Variants in AFG1L observed in about 807,000 individuals in gnomAD.
AFG1L encodes the protein AFG1 like ATPase.
A neutral mutation model predicts 62.2 loss-of-function variants in AFG1L; 53 were observed. The ratio of observed to expected loss-of-function variants is 0.85; its 90% CI spans 0.68 to 1.07. The LOEUF (loss-of-function observed/expected upper bound fraction) is 1.07, where lower values mean the gene tolerates loss of function less well. Ranked by LOEUF, AFG1L falls within the 50% of genes least tolerant of loss-of-function variation. AFG1L has a pLI of 0.00. For synonymous variants in AFG1L, 228 were observed against 210.3 expected (o/e 1.08, Z -0.73); for missense variants, 555 against 590.5 (o/e 0.94, Z 0.62).
chr6:108,356,603 A>C, intron 4 of AFG1L, 87 bp from the exon 5 acceptor site: 1 of 888,054 alleles, frequency 1.1e-6, no homozygotes. Context: ...TCCATACTAA[A>C]GTTTCATTTA....
At chr6:108,495,947 T>A (rs544240122) in intron 10 of AFG1L, among the ~76,000 whole-genome samples, 8 of 152,230 alleles carry the variant, frequency 5.3e-5, no homozygotes, top group Non-Finnish European at 1.2e-4. Context: ...TCATTATCTA[T>A]CATAAGAAGA....
chr6:108,431,260 C>T (rs142147672), intron 7 of AFG1L, among the ~76,000 whole-genome samples: 6,533 of 152,110 alleles, frequency 0.043, 217 homozygotes, highest in South Asian at 0.1. Flanking sequence ...CCTGCCACCA[C>T]GCCCGGCTAA....
At chr6:108,376,773 A>G (rs1780265984) in intron 6 of AFG1L, among the ~76,000 whole-genome samples, 1 of 152,132 alleles carries the variant, frequency 6.6e-6, no homozygotes. Context: ...GTACATATCT[A>G]TTAGTCCAAT....
intron 4 of AFG1L, 79 bp downstream of exon 4, chr6:108,355,834 A>C (rs1026363240): frequency 1.1e-6 from 1 of 948,216 alleles, no homozygotes; most frequent in Non-Finnish European, 1.6e-6. Context: ...ATGAACATAT[A>C]CTCTTTAAAA....
chr6:108,411,039 C>A (rs1451854069), intron 7 of AFG1L, among the ~76,000 whole-genome samples: 1 of 152,120 alleles, frequency 6.6e-6, no homozygotes, highest in Non-Finnish European at 1.5e-5. Context: ...ACAGGCGGTA[C>A]CTGGAAAATC....
At chr6:108,513,475 A>T (rs1024642768) in intron 11 of AFG1L, among the ~76,000 whole-genome samples, 1 of 152,188 alleles carries the variant, frequency 6.6e-6, no homozygotes, top group Non-Finnish European at 1.5e-5. Flanking sequence ...TATCCCGCGC[A>T]TGGCTTGGAG....
intron 2 of AFG1L, among the ~76,000 whole-genome samples, chr6:108,324,392 C>T (rs1777948339): frequency 6.6e-6 from 1 of 152,176 alleles, no homozygotes; most frequent in Admixed American, 6.5e-5. Flanking sequence ...TTTCTTCCTC[C>T]TTCTTTCTCT....
At chr6:108,512,230 G>C (rs1483497196) in intron 11 of AFG1L, among the ~76,000 whole-genome samples, 1 of 152,188 alleles carries the variant, frequency 6.6e-6, no homozygotes, top group African/African-American at 2.4e-5. Context: ...ATGAAAATGG[G>C]TAACCAGCAT....
At chr6:108,360,629 G>A (rs1337254670) in intron 5 of AFG1L, among the ~76,000 whole-genome samples, 4 of 152,134 alleles carry the variant, frequency 2.6e-5, no homozygotes, top group African/African-American at 9.7e-5. Flanking sequence ...GCAAGAAAAG[G>A]CTGATATCTG....
chr6:108,450,371 C>CA (rs754736864), intron 8 of AFG1L, among the ~76,000 whole-genome samples: 60 of 152,288 alleles, frequency 3.9e-4, no homozygotes, highest in Non-Finnish European at 6.2e-4. Flanking sequence ...AGCATTTTTT[C>CA]ATGTGTCTGT....
intron 7 of AFG1L, among the ~76,000 whole-genome samples, chr6:108,441,712 A>AAAAATATAT (rs1401294615): frequency 9.8e-4 from 137 of 139,476 alleles, no homozygotes; most frequent in African/African-American, 1.8e-3. Flanking sequence ...AAAAAAAAAA[A>AAAAATATAT]ATATATATAT....
intron 5 of AFG1L, among the ~76,000 whole-genome samples, chr6:108,365,996 T>C (rs113263862): frequency 0.019 from 2,836 of 152,262 alleles, 45 homozygotes; most frequent in Middle Eastern, 0.071. Context: ...AAAGAAGTTA[T>C]CATAGAACCA....
At chr6:108,397,373 G>A (rs1228933940) in intron 6 of AFG1L, among the ~76,000 whole-genome samples, 4 of 151,588 alleles carry the variant, frequency 2.6e-5, no homozygotes, top group Non-Finnish European at 5.9e-5. Context: ...GGTGATCCAC[G>A]CCCCCTTGGC....
In AFG1L at chr6:108,447,277, G is replaced by T. The variant is rs1202394636; in HGVS notation, c.871G>T (p.Ala291Ser). 17 of 1,602,328 alleles carry T rather than the reference G, an allele frequency of 1.1e-5. No individual in the cohort carries two copies. The highest frequency in any genetic ancestry group is 1.5e-5 in the Non-Finnish European group (17 of 1,169,700). Residue 291 changes from alanine (A) to serine (S), a missense_variant, in exon 8 of 13, where the codon GCA becomes TCA. By Grantham distance (99) the Ala-to-Ser change is moderately conservative. Transcript: ENST00000368977. ...IDYRKRELPA[A>S]GKLYYLTSEA... The stretch of plus-strand genomic sequence containing the variant: ...TTACCGGAAAAGGGAACTTCCTGCT[G>T]CAGGAAAACTCTACTACCTGTAAGT...
At chr6:108,520,624 A>T (rs1345984910) in intron 12 of AFG1L, 1 of 152,260 alleles carries the variant, frequency 6.6e-6, no homozygotes. Flanking sequence ...TTCCTTATCA[A>T]CCTGAATAGA....
In AFG1L at chr6:108,315,691, C is replaced by T. The variant is rs377072740; in HGVS notation, c.140-8134C>T. Among the ~76,000 whole-genome samples, 15 of 152,298 alleles carry T rather than the reference C, an allele frequency of 9.8e-5. No individual in the cohort carries two copies. In the South Asian group the frequency reaches 1.7e-3, roughly 17 times the overall value. ...AAACTCCTGGTCTCAAGTGATCAGC[C>T]TCCCACAGTGCTGAGATTACAGGCA... On this transcript the variant is annotated intron_variant, in intron 1 of 12. Transcript: ENST00000368977.
chr6:108,524,872 T>C lies in AFG1L; in HGVS notation c.*2447T>C, dbSNP rs1247931185. Reference sequence around the variant, plus strand: ...GAATAGCCATCACTAGGAAACAGTATGGTAGCTCTACTAAAAGAAAAGTAA... The same window carrying C: ...GAATAGCCATCACTAGGAAACAGTACGGTAGCTCTACTAAAAGAAAAGTAA... On this transcript the variant is annotated 3_prime_UTR_variant, in exon 13 of 13. Coordinates refer to ENST00000368977, the MANE Select transcript of AFG1L (RefSeq NM_145315.5). 1.3e-5 allele frequency: 2 copies of C among 152,202 alleles called. No individual in the cohort carries two copies. Among genetic ancestry groups the C allele is most frequent in the African/African-American group, 4.8e-5 (2 of 41,456 alleles). 9.4% of individuals were successfully genotyped at this position (152,202 alleles called of 1,614,324 possible). A position where few individuals can be genotyped will look rare whatever the true frequency, so the allele number is the denominator to read the frequency against.
intron 1 of AFG1L, among the ~76,000 whole-genome samples, chr6:108,310,575 CTT>C (rs79088170): frequency 8.3e-5 from 11 of 132,528 alleles, no homozygotes; most frequent in Admixed American, 7.6e-5. Flanking sequence ...TTTTCACCTT[CTT>C]TTTTTTTTTT....
intron 1 of AFG1L, chr6:108,319,827 G>A (rs1777751457): frequency 7.1e-6 from 3 of 420,840 alleles, no homozygotes; most frequent in Non-Finnish European, 1.4e-5. Flanking sequence ...TGAGACATAA[G>A]TAAATATGCT....
Sources: allele counts gnomAD v4.1 joint callset (sites outside exome capture counted in the v4.1 genomes callset), GRCh38; gene constraint gnomAD v4.1.1; transcripts MANE v1.5; gene names NCBI Gene and HGNC (gene_info 2026-07-23, HGNC 2026-07-21).